Variants in TXNRD1 observed in about 807,000 individuals in gnomAD.
TXNRD1 encodes thioredoxin reductase 1, also known as thioredoxin reductase 1, cytoplasmic.
A neutral mutation model predicts 80.3 loss-of-function variants in TXNRD1; 57 were observed. The observed-to-expected ratio is 0.71, with a 90% CI of 0.57 to 0.89. The LOEUF (loss-of-function observed/expected upper bound fraction) is 0.89. Among genes scored for constraint, TXNRD1 ranks in the 40% least tolerant of loss-of-function variants. The probability of loss-of-function intolerance (pLI) is 0.00; values close to 1 mark genes in which losing one functional copy is unlikely to be tolerated. For synonymous variants in TXNRD1, 291 were observed against 285.2 expected, an observed-to-expected ratio of 1.02 and a Z score of -0.20; for missense variants, 730 against 803.0, an observed-to-expected ratio of 0.91 and a Z score of 1.10.
At chr12:104,289,753 A>G (rs1201036145) in intron 4 of TXNRD1, among the ~76,000 whole-genome samples, 3 of 149,078 alleles carry the variant, frequency 2.0e-5, no homozygotes, top group African/African-American at 7.4e-5. Flanking sequence ...AAAAAAAAAC[A>G]GTCTTGCTCT....
At chr12:104,265,984 T>C (rs1442460721) in intron 3 of TXNRD1, 5 of 597,746 alleles carry the variant, frequency 8.4e-6, no homozygotes, top group Non-Finnish European at 1.4e-5. Flanking sequence ...GAAATAATAA[T>C]AGGTTTTTAA....
chr12:104,303,187 C>T lies in TXNRD1; in HGVS notation c.415-8103C>T, dbSNP rs867734685. ...GGGTTAGCACGGATATTGGAGGCTC[C>T]CCCGATCCCACAGATACTCAGGATG... On this transcript the variant is annotated intron_variant, in intron 4 of 16. Transcript: ENST00000525566. 1.1e-4 allele frequency among the ~76,000 whole-genome samples: 17 copies of T among 152,212 alleles called. No individual in the cohort carries two copies. In the Middle Eastern group the frequency reaches 0.01, roughly 91 times the overall value.
chr12:104,307,087 T>A (rs986666871), intron 4 of TXNRD1, among the ~76,000 whole-genome samples: 30 of 152,142 alleles, frequency 2.0e-4, no homozygotes, highest in African/African-American at 7.2e-4. Flanking sequence ...TTTTTACTGG[T>A]TGGCATGACA....
At chr12:104,265,261 A>C (rs1334280607) in intron 3 of TXNRD1, 11 of 1,513,146 alleles carry the variant, frequency 7.3e-6, no homozygotes, top group African/African-American at 1.4e-5. Flanking sequence ...AAAAAAAAAA[A>C]AAAAAAAACT....
chr12:104,249,038 A>G (rs1214193262), intron 1 of TXNRD1, among the ~76,000 whole-genome samples: 1 of 152,240 alleles, frequency 6.6e-6, no homozygotes, highest in Non-Finnish European at 1.5e-5. Flanking sequence ...AGAAGAACCC[A>G]CTTCTCATTT....
chr12:104,267,697 CTTTCTCT>C lies in TXNRD1; in HGVS notation c.304+9619_304+9625del, dbSNP rs1179754457. ...TCTTTCTTTCTTTCTTTCTTTCTTT[CTTTCTCT>C]CTTTCTTTCTTTCTTTCTCTTTCTT... On this transcript the variant is annotated intron_variant, in intron 3 of 16. Coordinates refer to ENST00000525566, the MANE Select transcript of TXNRD1 (RefSeq NM_001093771.3). Among the ~76,000 whole-genome samples the C allele has an allele frequency of 3.2e-4, 7 of 21,560 alleles. 1 individual carries two copies. Among genetic ancestry groups the C allele is most frequent in the Non-Finnish European group, 4.3e-4 (4 of 9,404 alleles). The allele number at this position is 21,560 out of a possible 152,430, so 14.1% of individuals were successfully genotyped here.
intron 16 of TXNRD1, among the ~76,000 whole-genome samples, chr12:104,342,856 A>G (rs1390056586): frequency 6.6e-6 from 1 of 152,160 alleles, no homozygotes; most frequent in Admixed American, 6.5e-5. Context: ...TGAGCGAGCA[A>G]GTGAAGTGGC....
At chr12:104,265,767 G>C in intron 3 of TXNRD1, 3 of 1,585,920 alleles carry the variant, frequency 1.9e-6, no homozygotes, top group Non-Finnish European at 2.6e-6. Flanking sequence ...TCAAGTTCCC[G>C]CTGCCCCACC....
chr12:104,238,683 T>C (rs1224883497), intron 1 of TXNRD1, among the ~76,000 whole-genome samples: 2 of 152,224 alleles, frequency 1.3e-5, no homozygotes, highest in Non-Finnish European at 2.9e-5. Context: ...ATGTATTGCA[T>C]TGATTGATTC....
chr12:104,275,700 C>T (rs1475382594), intron 3 of TXNRD1, among the ~76,000 whole-genome samples: 2 of 152,002 alleles, frequency 1.3e-5, no homozygotes, highest in Non-Finnish European at 2.9e-5. Flanking sequence ...AAGTTTTGAT[C>T]GGTGTCCACT....
Position 104,331,840 on chromosome 12 carries a change from C to T in TXNRD1, c.1650+199C>T, listed in dbSNP as rs543568047. 5.3e-5 allele frequency among the ~76,000 whole-genome samples: 8 copies of T among 149,868 alleles called. No homozygotes were observed. The East Asian group carries it at 1.4e-3, about 25-fold the overall frequency. On this transcript the variant is annotated intron_variant, in intron 14 of 16. Transcript: ENST00000525566. ...ATTCTGTGTGTGTGTGTGTGTGTTT[C>T]TGTGAATCATTTGAGAGTAAGTTGA...
chr12:104,278,061 T>A (rs964941781), intron 3 of TXNRD1, among the ~76,000 whole-genome samples: 1 of 150,890 alleles, frequency 6.6e-6, no homozygotes, highest in African/African-American at 2.4e-5. Flanking sequence ...GTATTTTTAG[T>A]AGAGAGGGGG....
intron 10 of TXNRD1, among the ~76,000 whole-genome samples, chr12:104,324,191 G>A (rs2135842772): frequency 6.6e-6 from 1 of 152,124 alleles, no homozygotes; most frequent in East Asian, 1.9e-4. Context: ...TCTTTTCCAA[G>A]GATTAGAACA....
At chr12:104,322,687 GTTT>G in intron 10 of TXNRD1, among the ~76,000 whole-genome samples, 1 of 152,168 alleles carries the variant, frequency 6.6e-6, no homozygotes, top group Non-Finnish European at 1.5e-5. Flanking sequence ...GCCTGTAGCT[GTTT>G]TTTAGAGTAG....
intron 4 of TXNRD1, 95 bp from the exon 5 acceptor site, chr12:104,311,195 T>A (rs2035119145): frequency 1.7e-5 from 23 of 1,373,260 alleles, no homozygotes; most frequent in Non-Finnish European, 2.0e-5. Flanking sequence ...TGAAAATTCC[T>A]TTTGTTTTTC....
intron 9 of TXNRD1, among the ~76,000 whole-genome samples, chr12:104,320,574 C>A (rs1356528420): frequency 6.6e-6 from 1 of 152,042 alleles, no homozygotes; most frequent in Admixed American, 6.5e-5. Context: ...TCTCTGTGTC[C>A]CTAGCTCAAC....
chr12:104,296,789 A>AT (rs1421961165), intron 4 of TXNRD1, among the ~76,000 whole-genome samples: 1 of 152,160 alleles, frequency 6.6e-6, no homozygotes, highest in Admixed American at 6.6e-5. Context: ...TTCAGAAGAG[A>AT]TTCTAGGCAG....
rs1389039693 is a variant in TXNRD1 at position 104,240,992 on chromosome 12, C to T, written c.92-10535C>T. On this transcript the variant is annotated intron_variant, in intron 1 of 16. Transcript: ENST00000525566. ...TCCTGACTTCGTGATCCGCCCGCCT[C>T]GGCCTCTCAAAGTGTTGGGATTACA... 2.2e-4 allele frequency among the ~76,000 whole-genome samples: 33 copies of T among 151,692 alleles called. 1 individual carries two copies. The highest frequency in any genetic ancestry group is 4.4e-4 in the African/African-American group (18 of 41,350).
At chr12:104,272,127 T>G (rs555095265) in intron 3 of TXNRD1, among the ~76,000 whole-genome samples, 1 of 152,282 alleles carries the variant, frequency 6.6e-6, no homozygotes, top group South Asian at 2.1e-4. Context: ...TAAAGTTTTC[T>G]TTTGAATTCT....
Sources: gnomAD v4.1 joint callset for allele counts (sites outside exome capture counted in the v4.1 genomes callset) on GRCh38, gnomAD v4.1.1 for gene constraint, MANE v1.5 for transcripts, NCBI Gene and HGNC (gene_info 2026-07-23, HGNC 2026-07-21) for gene names.